SAMD3: variants seen among roughly 807,000 people sequenced by gnomAD.
The protein encoded by SAMD3 is sterile alpha motif domain-containing protein 3.
Under a neutral mutation model 58.5 loss-of-function variants are expected in SAMD3, and 63 were observed. That is an observed-to-expected ratio of 1.08 (90% CI 0.88 to 1.33). The LOEUF is 1.33. SAMD3 is among the 40% of genes most tolerant of loss of function. The pLI, the probability that SAMD3 is intolerant of heterozygous loss-of-function variation, is 0.00. For missense variants in SAMD3, 604 were observed against 608.4 expected (o/e 0.99, Z 0.08); for synonymous variants, 220 against 210.3 (o/e 1.05, Z -0.40).
At position 130,175,576 on chromosome 6, in the gene SAMD3, G is replaced by A. The variant is rs112296223; in HGVS notation, c.822+265C>T. ...AAAAAAAAAAATTATTCAAGGACTC[G>A]AACTTAAGGGTTTTTTGAAGTTTTT... On this transcript the variant is annotated intron_variant, in intron 8 of 11. Coordinates refer to ENST00000439090, the MANE Select transcript of SAMD3 (RefSeq NM_001017373.4). 2.5e-3 allele frequency among the ~76,000 whole-genome samples: 373 copies of A among 152,002 alleles called. 3 individuals carry two copies. Among genetic ancestry groups the A allele is most frequent in the Middle Eastern group, 0.017 (5 of 294 alleles).
intron 2 of SAMD3, among the ~76,000 whole-genome samples, chr6:130,255,247 G>A (rs1173454938): frequency 6.6e-6 from 1 of 152,164 alleles, no homozygotes; most frequent in Non-Finnish European, 1.5e-5. Context: ...TGTTCTGTGT[G>A]TGCTTAAAAA....
At chr6:130,193,916 C>G (rs2114751029) in intron 5 of SAMD3, among the ~76,000 whole-genome samples, 1 of 152,234 alleles carries the variant, frequency 6.6e-6, no homozygotes, top group South Asian at 2.1e-4. Context: ...CTTTCCCTCC[C>G]TCCTGTCCCC....
chr6:130,211,512 G>A (rs1052964959), intron 4 of SAMD3, among the ~76,000 whole-genome samples: 2 of 151,970 alleles, frequency 1.3e-5, no homozygotes, highest in South Asian at 4.2e-4. Context: ...TCAAACTCCT[G>A]ACCTCAAGTG....
At chr6:130,215,671 C>G in intron 2 of SAMD3, 1 of 1,421,194 alleles carries the variant, frequency 7.0e-7, no homozygotes, top group East Asian at 2.5e-5. Flanking sequence ...TCACCACTAC[C>G]AGGCTCCTCA....
At chr6:130,308,207 TA>T (rs1775973301) in intron 2 of SAMD3, among the ~76,000 whole-genome samples, 1 of 152,126 alleles carries the variant, frequency 6.6e-6, no homozygotes, top group African/African-American at 2.4e-5. Context: ...TGTGCATGAC[TA>T]AGAAATTCCT....
At position 130,355,614 on chromosome 6, in the gene SAMD3, T is replaced by C. The variant is rs114053213; in HGVS notation, c.-304+9506A>G. 4.1e-3 allele frequency among the ~76,000 whole-genome samples: 619 copies of C among 152,200 alleles called. 5 individuals are homozygous for C. The highest frequency in any genetic ancestry group is 0.014 in the African/African-American group (575 of 41,532). The stretch of plus-strand genomic sequence containing the variant: ...TTGTGGTCACATGATGCTCTTACTA[T>C]CAAGAAATACCATTTTCAAACAGAA... On this transcript the variant is annotated intron_variant, in intron 1 of 13. Transcript: ENST00000368134.
intron 1 of SAMD3, among the ~76,000 whole-genome samples, chr6:130,341,568 A>G (rs751606636): frequency 4.6e-5 from 7 of 152,210 alleles, no homozygotes; most frequent in African/African-American, 7.2e-5. Context: ...ACTCTGAGTC[A>G]GTAAAGTTCA....
intron 5 of SAMD3, among the ~76,000 whole-genome samples, chr6:130,192,867 C>T (rs957203586): frequency 9.2e-5 from 14 of 152,174 alleles, no homozygotes; most frequent in African/African-American, 3.4e-4. Context: ...CAGTAAGTGG[C>T]CTCTTTTTAC....
Position 130,146,021 on chromosome 6 carries a change from T to C in SAMD3, c.1184A>G (p.Asp395Gly). 2.0e-6 allele frequency: 3 copies of C among 1,537,542 alleles called. No individual in the cohort carries two copies. Among genetic ancestry groups the C allele is most frequent in the South Asian group, 2.7e-5 (2 of 75,462 alleles). ...TAAGGTTTACTAACATTTCAACATG[T>C]CTTCATCTGTGTAATGTTTCATTTT... ...QEKMKHYTDE[D>G]MLKYMKMTAT... The change falls in exon 10 of 12, where the codon GAC becomes GGC. Residue 395 changes from aspartate (D) to glycine (G), a missense_variant. Physicochemically the swap from Asp to Gly is moderately conservative, Grantham distance 94. Coordinates refer to ENST00000439090, the MANE Select transcript of SAMD3 (RefSeq NM_001017373.4).
intron 2 of SAMD3, among the ~76,000 whole-genome samples, chr6:130,256,838 T>C (rs1391151270): frequency 2.6e-5 from 4 of 152,264 alleles, no homozygotes; most frequent in Non-Finnish European, 5.9e-5. Flanking sequence ...TCTATCACTT[T>C]GTGAGACATT....
intron 1 of SAMD3, among the ~76,000 whole-genome samples, chr6:130,218,173 T>C (rs143526116): frequency 2.5e-3 from 384 of 152,268 alleles, no homozygotes; most frequent in African/African-American, 8.5e-3. Flanking sequence ...ATGGAATTTA[T>C]TGGGCAAAAA....
intron 2 of SAMD3, among the ~76,000 whole-genome samples, chr6:130,303,674 C>G (rs1644319217): frequency 6.6e-6 from 1 of 152,150 alleles, no homozygotes; most frequent in Non-Finnish European, 1.5e-5. Flanking sequence ...CATCTGCTTC[C>G]TTTTTCTCCA....
At chr6:130,179,095 G>A (rs548128149) in intron 7 of SAMD3, among the ~76,000 whole-genome samples, 16 of 152,252 alleles carry the variant, frequency 1.1e-4, no homozygotes, top group South Asian at 4.1e-4. Flanking sequence ...CTGGTGGGAG[G>A]TATTATAGCA....
chr6:130,165,601 A>C (rs1790666794), intron 8 of SAMD3, among the ~76,000 whole-genome samples: 1 of 152,194 alleles, frequency 6.6e-6, no homozygotes, highest in African/African-American at 2.4e-5. Flanking sequence ...AAAGAGCTAG[A>C]CACCTATACA....
At chr6:130,166,928 A>G (rs1790783233) in intron 8 of SAMD3, among the ~76,000 whole-genome samples, 1 of 152,204 alleles carries the variant, frequency 6.6e-6, no homozygotes, top group South Asian at 2.1e-4. Context: ...TGAGACTAGC[A>G]AAGTCTTTCT....
chr6:130,255,890 C>G (rs1773913791), intron 2 of SAMD3, among the ~76,000 whole-genome samples: 1 of 151,082 alleles, frequency 6.6e-6, no homozygotes, highest in South Asian at 2.1e-4. Flanking sequence ...CATTTTATGT[C>G]TCTTTATTAG....
intron 2 of SAMD3, among the ~76,000 whole-genome samples, chr6:130,296,287 T>C (rs1350372486): frequency 6.6e-6 from 1 of 151,832 alleles, no homozygotes; most frequent in East Asian, 1.9e-4. Context: ...TCTGTTGGAG[T>C]GCCTATGGGA....
chr6:130,296,554 C>G (rs943582244), intron 2 of SAMD3, among the ~76,000 whole-genome samples: 1 of 152,142 alleles, frequency 6.6e-6, no homozygotes, highest in Non-Finnish European at 1.5e-5. Context: ...CCACCGGGGG[C>G]CAGAGCACAT....
At chr6:130,178,915 C>A (rs1208575956) in intron 7 of SAMD3, among the ~76,000 whole-genome samples, 1 of 152,158 alleles carries the variant, frequency 6.6e-6, no homozygotes, top group Admixed American at 6.5e-5. Flanking sequence ...TTATCACCTC[C>A]CATAGGCTTG....
Sources: allele counts gnomAD v4.1 joint callset (sites outside exome capture counted in the v4.1 genomes callset), GRCh38; gene constraint gnomAD v4.1.1; transcripts MANE v1.5; gene names NCBI Gene and HGNC (gene_info 2026-07-23, HGNC 2026-07-21).